Variants in GALNTL6 observed in about 807,000 individuals in gnomAD.
GALNTL6 encodes the protein polypeptide N-acetylgalactosaminyltransferase-like 6.
Under a neutral mutation model 73.7 loss-of-function variants are expected in GALNTL6, and 46 were observed. The ratio of observed to expected loss-of-function variants is 0.62; its 90% CI spans 0.49 to 0.80. GALNTL6 has a LOEUF of 0.80. GALNTL6 is among the 30% of genes least tolerant of loss of function. GALNTL6 has a pLI of 0.00. For synonymous variants in GALNTL6, 259 were observed against 263.7 expected (o/e 0.98, Z 0.17); for missense variants, 604 against 755.0 (o/e 0.80, Z 2.34).
At chr4:171,866,657 T>C (rs1735978707) in intron 2 of GALNTL6, among the ~76,000 whole-genome samples, 1 of 152,140 alleles carries the variant, frequency 6.6e-6, no homozygotes, top group Non-Finnish European at 1.5e-5. Flanking sequence ...TTTCTCACAG[T>C]TTTGGAGGCT....
chr4:172,846,949 GCT>G (rs1743544944), intron 7 of GALNTL6, among the ~76,000 whole-genome samples: 2 of 151,454 alleles, frequency 1.3e-5, no homozygotes, highest in South Asian at 4.2e-4. Flanking sequence ...TCTCGTCCTC[GCT>G]CTCTTTCTCT....
intron 5 of GALNTL6, among the ~76,000 whole-genome samples, chr4:172,778,571 G>C (rs577021850): frequency 6.6e-6 from 1 of 152,196 alleles, no homozygotes. Context: ...ACTGTGTTTT[G>C]TAGGCAGAAT....
chr4:172,497,230 T>G (rs1734097503), intron 5 of GALNTL6, among the ~76,000 whole-genome samples: 1 of 152,214 alleles, frequency 6.6e-6, no homozygotes, highest in South Asian at 2.1e-4. Flanking sequence ...TAAGCACAAT[T>G]ATTGAATTCA....
chr4:172,200,330 G>T (rs567404617), intron 2 of GALNTL6, among the ~76,000 whole-genome samples: 61 of 152,244 alleles, frequency 4.0e-4, no homozygotes, highest in African/African-American at 1.4e-3. Context: ...TAGGACTGCT[G>T]CTCATGGCTA....
chr4:172,591,779 G>A (rs1293923654), intron 5 of GALNTL6, among the ~76,000 whole-genome samples: 6 of 152,176 alleles, frequency 3.9e-5, no homozygotes, highest in East Asian at 1.9e-4. Flanking sequence ...TAAACAAAGC[G>A]AGTTCAGTCT....
rs1424906298 is a variant in GALNTL6 at position 171,829,442 on chromosome 4, C to T, written c.138+14724C>T. On this transcript the variant is annotated intron_variant, in intron 2 of 12. Transcript: ENST00000506823. ...TTGTTTTCTTTGATACAGCTTACCC[C>T]GAGTCTTCTTGATATGCACCCACAT... is the stretch of plus-strand genomic sequence containing the variant. Among the ~76,000 whole-genome samples, 8 of 152,104 alleles carry T rather than the reference C, an allele frequency of 5.3e-5. No homozygotes were observed. In the South Asian group the frequency reaches 6.2e-4, roughly 12 times the overall value.
chr4:172,574,774 G>T (rs989372308), intron 5 of GALNTL6, among the ~76,000 whole-genome samples: 3 of 151,936 alleles, frequency 2.0e-5, no homozygotes, highest in Non-Finnish European at 4.4e-5. Flanking sequence ...GGATAATAGG[G>T]TCTAAATATA....
intron 2 of GALNTL6, among the ~76,000 whole-genome samples, chr4:172,127,398 C>T (rs1733332917): frequency 6.6e-6 from 1 of 152,270 alleles, no homozygotes; most frequent in African/African-American, 2.4e-5. Flanking sequence ...CACAGGCCCA[C>T]ATGCAACAGC....
intron 11 of GALNTL6, among the ~76,000 whole-genome samples, chr4:173,014,655 T>C (rs1340102078): frequency 1.3e-5 from 2 of 152,232 alleles, no homozygotes; most frequent in African/African-American, 2.4e-5. Context: ...AGAAACATGC[T>C]GTATCTCAGG....
chr4:172,880,756 A>G (rs1461159927), intron 7 of GALNTL6, among the ~76,000 whole-genome samples: 1 of 152,170 alleles, frequency 6.6e-6, no homozygotes, highest in Non-Finnish European at 1.5e-5. Flanking sequence ...ACACCAATCA[A>G]GACAGGAGAT....
intron 2 of GALNTL6, among the ~76,000 whole-genome samples, chr4:172,166,287 A>C (rs1299860209): frequency 1.3e-5 from 2 of 152,100 alleles, no homozygotes; most frequent in East Asian, 3.9e-4. Flanking sequence ...CTACTAAAAA[A>C]ATACAATAAG....
Position 172,895,180 on chromosome 4 carries a change from A to G in GALNTL6, c.1041+12273A>G, listed in dbSNP as rs572783111. Reference sequence around the variant, plus strand: ...GTCTTTTAATTGGAGAATTTAATAAATTTACATTCAATGCTATTATGGATA... The same window carrying G: ...GTCTTTTAATTGGAGAATTTAATAAGTTTACATTCAATGCTATTATGGATA... On this transcript the variant is annotated intron_variant, in intron 8 of 12. Transcript: ENST00000506823. Among the ~76,000 whole-genome samples, 192 of 151,536 alleles carry G rather than the reference A, an allele frequency of 1.3e-3. 3 individuals carry two copies. The highest frequency in any genetic ancestry group is 4.4e-3 in the African/African-American group (183 of 41,506).
intron 5 of GALNTL6, among the ~76,000 whole-genome samples, chr4:172,372,346 A>T (rs1050660088): frequency 1.3e-5 from 2 of 152,210 alleles, no homozygotes; most frequent in Non-Finnish European, 2.9e-5. Flanking sequence ...CTCAAGGAGT[A>T]GCACCTGGTA....
At chr4:172,207,230 A>G (rs1736167633) in intron 2 of GALNTL6, among the ~76,000 whole-genome samples, 1 of 152,138 alleles carries the variant, frequency 6.6e-6, no homozygotes, top group South Asian at 2.1e-4. Flanking sequence ...CTAATTATAA[A>G]TGAATTAATT....
At chr4:172,625,268 G>A (rs977261718) in intron 5 of GALNTL6, among the ~76,000 whole-genome samples, 2 of 151,834 alleles carry the variant, frequency 1.3e-5, no homozygotes, top group Admixed American at 6.6e-5. Context: ...CATACCCAAT[G>A]TTTAACTCCC....
At chr4:173,015,747 A>T (rs966896302) in intron 11 of GALNTL6, among the ~76,000 whole-genome samples, 2 of 152,222 alleles carry the variant, frequency 1.3e-5, no homozygotes, top group Non-Finnish European at 2.9e-5. Flanking sequence ...AGAAAAAAAA[A>T]TTTCTGGAGA....
At chr4:171,870,847 A>C (rs567132181) in intron 2 of GALNTL6, among the ~76,000 whole-genome samples, 31 of 152,290 alleles carry the variant, frequency 2.0e-4, no homozygotes, top group Non-Finnish European at 1.5e-5. Flanking sequence ...CTTGGAACAC[A>C]TCTTCTTTTA....
At chr4:172,894,234 A>G (rs1188652602) in intron 8 of GALNTL6, among the ~76,000 whole-genome samples, 2 of 151,820 alleles carry the variant, frequency 1.3e-5, no homozygotes, top group African/African-American at 2.4e-5. Context: ...TTATTTTGCT[A>G]ATTTTGGGGA....
At chr4:172,975,858 G>A (rs1218379717) in intron 10 of GALNTL6, among the ~76,000 whole-genome samples, 1 of 152,170 alleles carries the variant, frequency 6.6e-6, no homozygotes, top group African/African-American at 2.4e-5. Context: ...CAACAGGATC[G>A]GGGAGAAGCC....
Sources: allele counts gnomAD v4.1 joint callset (sites outside exome capture counted in the v4.1 genomes callset), GRCh38; gene constraint gnomAD v4.1.1; transcripts MANE v1.5; gene names NCBI Gene and HGNC (gene_info 2026-07-23, HGNC 2026-07-21).